The following UVRAG variants were observed in gnomAD, a reference collection of about 807,000 sequenced individuals.
The protein encoded by UVRAG is UV radiation resistance associated, also known as UV radiation resistance-associated gene protein.
Under a neutral mutation model 78.0 loss-of-function variants are expected in UVRAG, and 19 were observed. The ratio of observed to expected loss-of-function variants is 0.24; its 90% CI spans 0.17 to 0.36. The LOEUF is 0.36. Ranked by LOEUF, UVRAG falls within the 10% of genes least tolerant of loss-of-function variation. The probability of loss-of-function intolerance (pLI) is 1.00; values close to 1 mark genes in which losing one functional copy is unlikely to be tolerated. For synonymous variants in UVRAG, 323 were observed against 324.6 expected (o/e 1.00, Z 0.05); for missense variants, 740 against 853.8 (o/e 0.87, Z 1.66).
chr11:75,888,869 A>G lies in UVRAG; in HGVS notation c.473A>G (p.Asn158Ser), dbSNP rs922823812. ...RNQNEIIFGL[N>S]DGYYGAPFEH... ...CAAAATGAAATAATTTTTGGGCTGA[A>G]TGATGGATACTATGGTGCTCCATTT... The change falls in exon 5 of 15, where the codon AAT becomes AGT. Residue 158 changes from asparagine (N) to serine (S), a missense_variant. By Grantham distance (46) the Asn-to-Ser change is conservative (BLOSUM62 1). Transcript: ENST00000356136. 1.2e-5 allele frequency: 20 copies of G among 1,613,716 alleles called. No homozygotes were observed. The highest frequency in any genetic ancestry group is 1.7e-5 in the Non-Finnish European group (20 of 1,179,906).
chr11:76,017,182 C>G (rs1006538879), intron 12 of UVRAG, among the ~76,000 whole-genome samples: 7 of 152,066 alleles, frequency 4.6e-5, no homozygotes, highest in African/African-American at 1.7e-4. Context: ...CCCTGGGCTT[C>G]CAAGAATTGC....
At chr11:75,883,775 G>A (rs767880600) in intron 4 of UVRAG, among the ~76,000 whole-genome samples, 8 of 152,130 alleles carry the variant, frequency 5.3e-5, no homozygotes, top group Non-Finnish European at 1.0e-4. Flanking sequence ...TCTGAATAAA[G>A]TATTTTTTTT....
chr11:76,012,074 A>C (rs1245543771), intron 11 of UVRAG, among the ~76,000 whole-genome samples: 1 of 152,108 alleles, frequency 6.6e-6, no homozygotes, highest in Non-Finnish European at 1.5e-5. Flanking sequence ...TAATCCTAGC[A>C]CTTTGGGGGA....
intron 8 of UVRAG, among the ~76,000 whole-genome samples, chr11:75,995,946 G>T (rs1375132813): frequency 1.3e-5 from 2 of 152,012 alleles, no homozygotes; most frequent in South Asian, 4.2e-4. Context: ...ATTCTCCCTA[G>T]GATTTATGCT....
At chr11:75,989,268 C>G (rs909224490) in intron 8 of UVRAG, among the ~76,000 whole-genome samples, 1 of 151,934 alleles carries the variant, frequency 6.6e-6, no homozygotes, top group Non-Finnish European at 1.5e-5. Context: ...TTGTCCAGCC[C>G]GGTCTTGAAC....
chr11:75,893,375 C>G (rs1007493658), intron 5 of UVRAG, among the ~76,000 whole-genome samples: 1 of 150,772 alleles, frequency 6.6e-6, no homozygotes, highest in Middle Eastern at 3.4e-3. Context: ...TAAATGAGCA[C>G]GAAAAGCTGA....
At chr11:75,934,069 G>C (rs1220771139) in intron 6 of UVRAG, among the ~76,000 whole-genome samples, 2 of 152,144 alleles carry the variant, frequency 1.3e-5, no homozygotes, top group African/African-American at 4.8e-5. Context: ...TATCACAATA[G>C]CCAAGATTTG....
chr11:76,077,377 A>G (rs1233337368), intron 13 of UVRAG, among the ~76,000 whole-genome samples: 1 of 152,066 alleles, frequency 6.6e-6, no homozygotes, highest in Non-Finnish European at 1.5e-5. Context: ...CCAATGTGCT[A>G]GACATTTTTA....
At chr11:76,129,780 C>T (rs997607944) in intron 14 of UVRAG, among the ~76,000 whole-genome samples, 2 of 152,166 alleles carry the variant, frequency 1.3e-5, no homozygotes, top group Non-Finnish European at 2.9e-5. Context: ...TGTACTACTG[C>T]ACAGCCTGCA....
chr11:75,836,930 C>G (rs1338146612), intron 1 of UVRAG, among the ~76,000 whole-genome samples: 2 of 152,100 alleles, frequency 1.3e-5, no homozygotes, highest in African/African-American at 4.8e-5. Flanking sequence ...ACAAGGCCCT[C>G]CCATTCTAAT....
intron 13 of UVRAG, among the ~76,000 whole-genome samples, chr11:76,109,167 G>A (rs1315576176): frequency 1.3e-5 from 2 of 152,142 alleles, no homozygotes. Context: ...TCAAAAATGA[G>A]AGCAGAAGGA....
chr11:75,959,056 C>T (rs1023915026), intron 6 of UVRAG, among the ~76,000 whole-genome samples: 1 of 152,126 alleles, frequency 6.6e-6, no homozygotes, highest in African/African-American at 2.4e-5. Context: ...GTCATCCAGG[C>T]TTTGATGTAC....
At chr11:76,101,740 T>C (rs1028333085) in intron 13 of UVRAG, among the ~76,000 whole-genome samples, 1 of 152,218 alleles carries the variant, frequency 6.6e-6, no homozygotes, top group African/African-American at 2.4e-5. Context: ...TTAATCCATC[T>C]TGAATTCATT....
intron 6 of UVRAG, among the ~76,000 whole-genome samples, chr11:75,957,741 A>G (rs867228310): frequency 6.6e-6 from 1 of 152,120 alleles, no homozygotes; most frequent in Non-Finnish European, 1.5e-5. Context: ...AGTCTTGCAC[A>G]TCTTTTGTTT....
intron 1 of UVRAG, among the ~76,000 whole-genome samples, chr11:75,828,787 A>C (rs1945587905): frequency 1.5e-5 from 1 of 64,860 alleles, no homozygotes; most frequent in African/African-American, 7.2e-5. Context: ...ACACATATAT[A>C]TATATATATA....
At position 75,987,306 on chromosome 11, in the gene UVRAG, C is replaced by T. The variant is rs1362433268; in HGVS notation, c.826+3793C>T. Among the ~76,000 whole-genome samples the T allele has an allele frequency of 2.0e-5, 3 of 152,190 alleles. No individual in the cohort carries two copies. In the South Asian group the frequency reaches 6.2e-4, roughly 32 times the overall value. On this transcript the variant is annotated intron_variant, in intron 8 of 14. Transcript: ENST00000356136. The stretch of plus-strand genomic sequence containing the variant: ...ATTATAGCCATCCTACTGAATATAG[C>T]ATTGTTTCTCATTGTAGTTTTGATT...
chr11:75,890,229 C>T (rs1202944157), intron 5 of UVRAG, among the ~76,000 whole-genome samples: 3 of 152,120 alleles, frequency 2.0e-5, no homozygotes, highest in South Asian at 2.1e-4. Context: ...ATCAGATTTG[C>T]GTTTCAGTAA....
chr11:76,014,546 A>C (rs1950113051), intron 11 of UVRAG, among the ~76,000 whole-genome samples: 1 of 152,226 alleles, frequency 6.6e-6, no homozygotes, highest in Admixed American at 6.5e-5. Flanking sequence ...ATTTGATAAG[A>C]CCTAATCTTT....
chr11:75,880,134 T>C, intron 4 of UVRAG, 94 bp downstream of exon 4: 1 of 1,444,616 alleles, frequency 6.9e-7, no homozygotes, highest in South Asian at 1.3e-5. Flanking sequence ...TTTCCTATTA[T>C]AAAGAGAGAC....
Sources: gnomAD v4.1 joint callset for allele counts (sites outside exome capture counted in the v4.1 genomes callset) on GRCh38, gnomAD v4.1.1 for gene constraint, MANE v1.5 for transcripts, NCBI Gene and HGNC (gene_info 2026-07-23, HGNC 2026-07-21) for gene names.